The following DHX36 variants were observed in gnomAD, a reference collection of about 807,000 sequenced individuals.
DHX36 encodes the protein DEAH-box helicase 36.
DHX36 carries 50 observed loss-of-function variants against 139.0 expected under a neutral mutation model. That is an observed-to-expected ratio of 0.36 (90% CI 0.29 to 0.46). DHX36 has a LOEUF of 0.46. Among genes scored for constraint, DHX36 ranks in the 20% least tolerant of loss-of-function variants. DHX36 has a pLI of 1.00. For synonymous variants in DHX36, 425 were observed against 401.9 expected, an observed-to-expected ratio of 1.06 and a Z score of -0.69; for missense variants, 1,024 against 1,211.3, an observed-to-expected ratio of 0.85 and a Z score of 2.29.
intron 3 of DHX36, chr3:154,311,926 G>A (rs1191434839): frequency 1.3e-5 from 5 of 375,350 alleles, no homozygotes; most frequent in South Asian, 5.9e-5. Context: ...AAATGAAATC[G>A]GATCTGTCCT....
At chr3:154,308,258 T>C (rs571094481) in intron 5 of DHX36, among the ~76,000 whole-genome samples, 117 of 152,302 alleles carry the variant, frequency 7.7e-4, no homozygotes, top group Non-Finnish European at 1.4e-3. Flanking sequence ...TGCTCTTTCT[T>C]TATAGTACTT....
intron 12 of DHX36, among the ~76,000 whole-genome samples, chr3:154,297,904 G>GA (rs1559952120): frequency 6.6e-6 from 1 of 151,946 alleles, no homozygotes; most frequent in South Asian, 2.1e-4. Flanking sequence ...CTTATGAAAA[G>GA]AAAAAAACAA....
At chr3:154,278,527 A>T (rs1402198010) in intron 22 of DHX36, 1 of 144,720 alleles carries the variant, frequency 6.9e-6, no homozygotes, top group Non-Finnish European at 1.5e-5. Context: ...CCCAGACTGG[A>T]GTGCAGTGGC....
chr3:154,279,446 T>C (rs538225523), intron 22 of DHX36: 2 of 152,334 alleles, frequency 1.3e-5, no homozygotes, highest in African/African-American at 4.8e-5. Context: ...ACTGTTAAGC[T>C]ACCTGTAAAG....
At chr3:154,277,757 T>C (rs1253569428) in intron 22 of DHX36, 39 bp from the exon 23 acceptor site, 48 of 1,550,738 alleles carry the variant, frequency 3.1e-5, no homozygotes, top group Non-Finnish European at 3.9e-5. Flanking sequence ...TAAAAAGAAG[T>C]CTTCTAGAGG....
intron 20 of DHX36, among the ~76,000 whole-genome samples, chr3:154,281,477 C>T (rs1719335214): frequency 6.6e-6 from 1 of 151,534 alleles, no homozygotes; most frequent in Non-Finnish European, 1.5e-5. Context: ...ATTGCAGACA[C>T]CCATTAAGTA....
intron 12 of DHX36, 108 bp downstream of exon 12, chr3:154,299,730 C>T: frequency 7.5e-6 from 6 of 800,722 alleles, no homozygotes; most frequent in Non-Finnish European, 1.3e-5. Flanking sequence ...TCACCTTCAT[C>T]TGTGACCTAG....
chr3:154,280,516 GAGC>G (rs899947674), intron 22 of DHX36, 60 bp downstream of exon 22: 4 of 1,153,024 alleles, frequency 3.5e-6, no homozygotes, highest in Non-Finnish European at 5.1e-6. Context: ...CTTGTTACAT[GAGC>G]AGATTTCAAA....
Position 154,319,974 on chromosome 3 carries a change from ATC to A in DHX36, c.244-3813_244-3812del, listed in dbSNP as rs544969488. ...CTACTGGAAAATGTTCCACTTCTGA[ATC>A]TCTGTTTCACTTGCCACCCTACCGC... is the stretch of plus-strand genomic sequence containing the variant. On this transcript the variant is annotated intron_variant, in intron 1 of 24. Coordinates refer to ENST00000496811, the MANE Select transcript of DHX36 (RefSeq NM_020865.3). Among the ~76,000 whole-genome samples the A allele has an allele frequency of 9.1e-4, 139 of 152,218 alleles. 2 individuals carry two copies. In the South Asian group the frequency reaches 0.025, roughly 27 times the overall value.
chr3:154,294,765 C>G, intron 13 of DHX36, among the ~76,000 whole-genome samples: 1 of 152,174 alleles, frequency 6.6e-6, no homozygotes, highest in East Asian at 1.9e-4. Context: ...CCTGCAAATA[C>G]TGTAGATCAT....
At position 154,324,262 on chromosome 3, in the gene DHX36, C is replaced by G; in HGVS notation, c.155G>C (p.Arg52Pro). 13 of 1,613,608 alleles carry G rather than the reference C, an allele frequency of 8.1e-6. No individual in the cohort carries two copies. The highest frequency in any genetic ancestry group is 1.1e-5 in the Non-Finnish European group (13 of 1,179,754). ...GCGGCCTTTCAGGTGCCCGGGATGC[C>G]GGCCCCTGCCGCCTCGACCACCCCC... The part of the protein sequence containing the change: ...GGGGGRGGRG[R>P]HPGHLKGREI... The change falls in exon 1 of 25, where the codon CGG becomes CCG. Residue 52 changes from arginine (R) to proline (P), a missense_variant. By Grantham distance (103) the Arg-to-Pro change is moderately radical. Transcript: ENST00000496811.
At chr3:154,310,876 C>T (rs568193247) in intron 4 of DHX36, among the ~76,000 whole-genome samples, 110 of 116,870 alleles carry the variant, frequency 9.4e-4, no homozygotes, top group African/African-American at 3.5e-3. Flanking sequence ...TATATATTCC[C>T]CACTTATTCT....
intron 17 of DHX36, among the ~76,000 whole-genome samples, chr3:154,286,166 C>CAAAAAAAA (rs60041573): frequency 1.2e-4 from 2 of 16,564 alleles, no homozygotes; most frequent in African/African-American, 1.9e-4. Flanking sequence ...TTCCACACAC[C>CAAAAAAAA]AAAAAAAAAA....
intron 4 of DHX36, 66 bp downstream of exon 4, chr3:154,311,570 G>C: frequency 7.4e-7 from 1 of 1,345,030 alleles, no homozygotes; most frequent in South Asian, 1.3e-5. Flanking sequence ...TCTTGATATA[G>C]AGCTTTAAAA....
At chr3:154,316,277 A>C in intron 1 of DHX36, 114 bp from the exon 2 acceptor site, 1 of 1,358,560 alleles carries the variant, frequency 7.4e-7, no homozygotes, top group African/African-American at 1.5e-5. Flanking sequence ...AATACATATA[A>C]AAGAAAGTTA....
At chr3:154,289,016 C>T in intron 16 of DHX36, 52 bp from the exon 17 acceptor site, 1 of 934,398 alleles carries the variant, frequency 1.1e-6, no homozygotes, top group East Asian at 2.9e-5. Flanking sequence ...AATATATTAG[C>T]ATTACAACTT....
At chr3:154,305,640 G>A (rs193040942) in intron 6 of DHX36, among the ~76,000 whole-genome samples, 96 of 152,242 alleles carry the variant, frequency 6.3e-4, no homozygotes, top group African/African-American at 2.1e-3. Context: ...GGTGGTGTCC[G>A]CCGGTAGGCC....
At chr3:154,321,634 G>C (rs1037506756) in intron 1 of DHX36, among the ~76,000 whole-genome samples, 1 of 152,114 alleles carries the variant, frequency 6.6e-6, no homozygotes, top group Non-Finnish European at 1.5e-5. Flanking sequence ...TTTGTTGAAA[G>C]AACATTTGTT....
At chr3:154,295,787 G>A (rs1040966566) in intron 12 of DHX36, among the ~76,000 whole-genome samples, 1 of 151,930 alleles carries the variant, frequency 6.6e-6, no homozygotes, top group Non-Finnish European at 1.5e-5. Context: ...CTATTTTTTT[G>A]TTGTTCAGTC....
Sources: gnomAD v4.1 joint callset for allele counts (sites outside exome capture counted in the v4.1 genomes callset) on GRCh38, gnomAD v4.1.1 for gene constraint, MANE v1.5 for transcripts, NCBI Gene and HGNC (gene_info 2026-07-23, HGNC 2026-07-21) for gene names.